Variants in MYBPC2 observed in about 807,000 individuals in gnomAD.
The protein encoded by MYBPC2 is myosin binding protein C2.
Under a neutral mutation model 137.0 loss-of-function variants are expected in MYBPC2, and 122 were observed. The ratio of observed to expected loss-of-function variants is 0.89; its 90% CI spans 0.77 to 1.03. The LOEUF (loss-of-function observed/expected upper bound fraction) is 1.03, where lower values mean the gene tolerates loss of function less well. MYBPC2 is among the 50% of genes least tolerant of loss of function. The pLI is 0.00. For synonymous variants in MYBPC2, 626 were observed against 612.3 expected (o/e 1.02, Z -0.33); for missense variants, 1,500 against 1,534.4 (o/e 0.98, Z 0.37).
At chr19:50,436,567 TG>T in intron 4 of MYBPC2, 49 bp from the exon 5 acceptor site, 1 of 1,474,814 alleles carries the variant, frequency 6.8e-7, no homozygotes, top group Non-Finnish European at 9.5e-7. Context: ...GAATATGGGG[TG>T]GCTCTAGAGG....
chr19:50,458,505 G>T (rs1010033603), intron 20 of MYBPC2, 82 bp from the exon 21 acceptor site: 3 of 1,525,218 alleles, frequency 2.0e-6, no homozygotes, highest in African/African-American at 1.4e-5. Context: ...CGCTCGCTGC[G>T]TGGGGCCCAA....
chr19:50,452,473 T>C (rs2039868478), intron 16 of MYBPC2, among the ~76,000 whole-genome samples: 2 of 118,710 alleles, frequency 1.7e-5, no homozygotes, highest in Admixed American at 1.6e-4. Flanking sequence ...TCTGTGTATG[T>C]ATGTATGTAT....
At position 50,451,278 on chromosome 19, in the gene MYBPC2, A is replaced by G. The variant is rs1228597474; in HGVS notation, c.1580-2A>G. The G allele has an allele frequency of 1.2e-6, 2 of 1,613,608 alleles. No individual in the cohort carries two copies. Among genetic ancestry groups the G allele is most frequent in the Non-Finnish European group, 8.5e-7 (1 of 1,179,854 alleles). ...AACTGTCCAGTCTTCTTTGTCTTGC[A>G]GAAATCAAGGTGGAGTACGTTCCCA... On this transcript the variant is annotated splice_acceptor_variant, in intron 14 of 27. Coordinates refer to ENST00000357701, the MANE Select transcript of MYBPC2 (RefSeq NM_004533.4). LOFTEE classifies it high-confidence loss of function.
intron 12 of MYBPC2, among the ~76,000 whole-genome samples, chr19:50,447,579 C>T (rs930202399): frequency 1.4e-4 from 21 of 152,018 alleles, no homozygotes; most frequent in African/African-American, 4.1e-4. Flanking sequence ...AACATCAGGC[C>T]GGGCTTAGTG....
Position 50,435,226 on chromosome 19 carries a change from G to A in MYBPC2, c.85G>A (p.Glu29Lys), listed in dbSNP as rs57092106. 7,370 of 1,301,924 alleles carry A rather than the reference G, an allele frequency of 5.7e-3. 318 individuals carry two copies. The African/African-American group carries it at 0.091, about 16-fold the overall frequency. 80.6% of individuals were successfully genotyped at this position (1,301,924 alleles called of 1,614,324 possible). ...KGAPKEAPPK[E>K]APAEAPKEAP... ...AGCCCCCAAGGAGGCTCCCCCTAAG[G>A]AGGCTCCTGCAGAGGCCCCCAAAGG... The change falls in exon 2 of 28, where the codon GAG becomes AAG. Residue 29 changes from glutamate to lysine, a missense_variant. Transcript: ENST00000357701. The surrounding 1 kb of genome is among the most constrained non-coding windows in gnomAD (Gnocchi z 4.8).
chr19:50,447,873 A>C (rs889003537), intron 12 of MYBPC2, among the ~76,000 whole-genome samples: 1 of 152,072 alleles, frequency 6.6e-6, no homozygotes, highest in East Asian at 1.9e-4. Context: ...AAAATAAATA[A>C]ATAAAATAAA....
At chr19:50,457,247 A>G (rs1419057193) in intron 20 of MYBPC2, among the ~76,000 whole-genome samples, 1 of 151,856 alleles carries the variant, frequency 6.6e-6, no homozygotes, top group Non-Finnish European at 1.5e-5. Flanking sequence ...TCTTTACCCC[A>G]TTCCTCCCTG....
chr19:50,458,895 C>T, intron 21 of MYBPC2, 23 bp from the exon 22 acceptor site: 1 of 1,605,060 alleles, frequency 6.2e-7, no homozygotes, highest in Non-Finnish European at 8.5e-7. Context: ...CGCTGAGCCC[C>T]CTCCCTGTGT....
In MYBPC2 at chr19:50,465,052, G is replaced by A. The variant is rs1328489530; in HGVS notation, c.3415+520G>A. ...TTCCTCCCATATTCCATTTCCAGCC[G>A]CCTCCGTCTCCAGTCTCTCCCTCCT... is the stretch of plus-strand genomic sequence containing the variant. On this transcript the variant is annotated intron_variant, in intron 27 of 27. Coordinates refer to ENST00000357701, the MANE Select transcript of MYBPC2 (RefSeq NM_004533.4). The surrounding 1 kb of genome is among the most constrained non-coding windows in gnomAD (Gnocchi z 4.5). Among the ~76,000 whole-genome samples the A allele has an allele frequency of 2.6e-5, 4 of 151,674 alleles. No individual in the cohort carries two copies. The highest frequency in any genetic ancestry group is 4.8e-5 in the African/African-American group (2 of 41,318).
At position 50,437,339 on chromosome 19, in the gene MYBPC2, G is replaced by T. The variant is rs569758724; in HGVS notation, c.464-134G>T. The T allele has an allele frequency of 1.7e-4, 166 of 985,688 alleles. No homozygotes were observed. In the East Asian group the frequency reaches 2.5e-3, roughly 15 times the overall value. 61.1% of individuals were successfully genotyped at this position (985,688 alleles called of 1,614,324 possible). A position where few individuals can be genotyped will look rare whatever the true frequency, so the allele number is the denominator to read the frequency against. On this transcript the variant is annotated intron_variant, in intron 5 of 27. Coordinates refer to ENST00000357701, the MANE Select transcript of MYBPC2 (RefSeq NM_004533.4). ...AGAACTAGAGGATGCCCAGGCCTGAGCAAGGTTGTGCTGGTCCAAGAGATG... is the reference window on the plus strand; with the variant it reads ...AGAACTAGAGGATGCCCAGGCCTGATCAAGGTTGTGCTGGTCCAAGAGATG...
intron 16 of MYBPC2, 88 bp from the exon 17 acceptor site, chr19:50,453,932 A>G (rs2039883044): frequency 1.6e-5 from 22 of 1,407,370 alleles, no homozygotes; most frequent in Non-Finnish European, 2.1e-5. Context: ...GAATCATGGG[A>G]GGATTCTGAG....
chr19:50,454,067 C>T lies in MYBPC2; in HGVS notation c.1797C>T (p.Asp599=), dbSNP rs1180697236. The change falls in exon 17 of 28, where the codon GAC becomes GAT. Residue 599 remains aspartate, a synonymous_variant. Coordinates refer to ENST00000357701, the MANE Select transcript of MYBPC2 (RefSeq NM_004533.4). The part of the protein sequence containing the change: ...EGRTRIEKRV[D]CSSFVIESAQ... ...GGACCCGCATCGAGAAGCGGGTGGACTGCAGCAGCTTTGTGATTGAGAGTG... is the reference window on the plus strand; with the variant it reads ...GGACCCGCATCGAGAAGCGGGTGGATTGCAGCAGCTTTGTGATTGAGAGTG... 3 of 1,609,974 alleles carry T rather than the reference C, an allele frequency of 1.9e-6. No individual in the cohort carries two copies. The highest frequency in any genetic ancestry group is 1.1e-5 in the South Asian group (1 of 90,228).
rs779380462 is a variant in MYBPC2 at position 50,455,220 on chromosome 19, T to C, written c.2127T>C (p.Tyr709=). 2 of 1,613,252 alleles carry C rather than the reference T, an allele frequency of 1.2e-6. No homozygotes were observed. The highest frequency in any genetic ancestry group is 2.2e-5 in the South Asian group (2 of 91,054). ...CCAAGATGATCGAGGGCATCCTCTATGAGATGCGTGTCTTCGCCGTCAATG... is the reference window on the plus strand; with the variant it reads ...CCAAGATGATCGAGGGCATCCTCTACGAGATGCGTGTCTTCGCCGTCAATG... ...ESTKMIEGIL[Y]EMRVFAVNAI... is the part of the protein sequence containing the mutation. The change falls in exon 19 of 28, where the codon TAT becomes TAC. Residue 709 remains tyrosine (Y), a synonymous_variant. Coordinates refer to ENST00000357701, the MANE Select transcript of MYBPC2 (RefSeq NM_004533.4).
chr19:50,445,945 A>T lies in MYBPC2; in HGVS notation c.1199A>T (p.Asp400Val), dbSNP rs34822663. The T allele has an allele frequency of 8.1e-5, 130 of 1,612,220 alleles. No individual in the cohort carries two copies. In the African/African-American group the frequency reaches 1.5e-3, roughly 19 times the overall value. The stretch of plus-strand genomic sequence containing the variant: ...AAGGCCCGGTACCGCTTCAAGAAGG[A>T]CGGGAAGCGCCACATCCTCATCTTC... ...SFKARYRFKK[D>V]GKRHILIFSD... The change falls in exon 12 of 28, where the codon GAC (aspartate) becomes GTC (valine). Residue 400 changes from aspartate to valine, a missense_variant. Coordinates refer to ENST00000357701, the MANE Select transcript of MYBPC2 (RefSeq NM_004533.4).
chr19:50,447,960 C>T (rs1362892522), intron 12 of MYBPC2, among the ~76,000 whole-genome samples: 1 of 152,176 alleles, frequency 6.6e-6, no homozygotes, highest in Non-Finnish European at 1.5e-5. Flanking sequence ...TTTGCACACG[C>T]TGGTCCCTCT....
intron 11 of MYBPC2, among the ~76,000 whole-genome samples, chr19:50,445,441 G>A (rs931833637): frequency 2.0e-5 from 3 of 149,272 alleles, no homozygotes; most frequent in African/African-American, 7.4e-5. Flanking sequence ...CACCCAGGCT[G>A]GAGTGCAATT....
chr19:50,458,786 A>C, intron 21 of MYBPC2, 32 bp downstream of exon 21: 1 of 1,605,080 alleles, frequency 6.2e-7, no homozygotes, highest in Non-Finnish European at 8.5e-7. Flanking sequence ...GCTCCGAAAG[A>C]CCAAGCTGGC....
chr19:50,435,704 C>A lies in MYBPC2; in HGVS notation c.110-72C>A. ...GGCCCTCACTGTCTCTAAGTCCTTT[C>A]CCCAAAGCGGCCCACTGTCCCCTCC... On this transcript the variant is annotated intron_variant, in intron 2 of 27. Coordinates refer to ENST00000357701, the MANE Select transcript of MYBPC2 (RefSeq NM_004533.4). This position sits in a 1 kb window ranked among gnomAD's most constrained non-coding sequence, Gnocchi z 4.8. 1.5e-6 allele frequency: 2 copies of A among 1,306,334 alleles called. No homozygotes were observed. Among genetic ancestry groups the A allele is most frequent in the Non-Finnish European group, 2.1e-6 (2 of 947,860 alleles). The allele number at this position is 1,306,334 out of a possible 1,614,324, so 80.9% of individuals were successfully genotyped here.
At chr19:50,451,092 G>A (rs1171678974) in intron 14 of MYBPC2, among the ~76,000 whole-genome samples, 157 bp downstream of exon 14, 1 of 152,164 alleles carries the variant, frequency 6.6e-6, no homozygotes, top group Non-Finnish European at 1.5e-5. Flanking sequence ...GAAGATGGAG[G>A]GAGAGCGCTG....
Sources: gnomAD v4.1 joint callset for allele counts (sites outside exome capture counted in the v4.1 genomes callset) on GRCh38, gnomAD v4.1.1 for gene constraint, Gnocchi (gnomAD v3.1) non-coding constraint, MANE v1.5 for transcripts, NCBI Gene and HGNC (gene_info 2026-07-23, HGNC 2026-07-21) for gene names.